ABCB1: variants seen among roughly 807,000 people sequenced by gnomAD.
The protein encoded by ABCB1 is ATP binding cassette subfamily B member 1, also known as ATP-dependent translocase ABCB1.
In ABCB1, 69 loss-of-function variants were observed where a neutral mutation model predicts 142.0. The ratio of observed to expected loss-of-function variants is 0.49; its 90% CI spans 0.40 to 0.59. The LOEUF is 0.59. Ranked by LOEUF, ABCB1 falls within the 20% of genes least tolerant of loss-of-function variation. The pLI, the probability that ABCB1 is intolerant of heterozygous loss-of-function variation, is 0.00. For synonymous variants in ABCB1, 532 were observed against 539.2 expected (o/e 0.99, Z 0.18); for missense variants, 1,326 against 1,554.7 (o/e 0.85, Z 2.47).
At chr7:87,635,913 G>C (rs1274055475) in intron 1 of ABCB1, among the ~76,000 whole-genome samples, 1 of 152,078 alleles carries the variant, frequency 6.6e-6, no homozygotes, top group Admixed American at 6.6e-5. Context: ...CCATTTTGTT[G>C]CATGTTGCTG....
At chr7:87,709,666 C>A (rs1829894487) in intron 1 of ABCB1, among the ~76,000 whole-genome samples, 1 of 152,114 alleles carries the variant, frequency 6.6e-6, no homozygotes, top group Non-Finnish European at 1.5e-5. Context: ...GACTTGCAGA[C>A]ATTTCTAGAG....
intron 4 of ABCB1, among the ~76,000 whole-genome samples, chr7:87,581,157 A>C (rs558190170): frequency 1.3e-5 from 2 of 152,042 alleles, no homozygotes; most frequent in East Asian, 3.9e-4. Flanking sequence ...AACTCTCACT[A>C]TCTTGCCCAG....
intron 1 of ABCB1, among the ~76,000 whole-genome samples, chr7:87,675,506 C>A (rs1407162411): frequency 6.6e-6 from 1 of 151,776 alleles, no homozygotes; most frequent in Non-Finnish European, 1.5e-5. Flanking sequence ...AAAACAGATA[C>A]ATAGACCAAT....
At chr7:87,570,062 G>T in intron 5 of ABCB1, 110 bp downstream of exon 5, 1 of 949,988 alleles carries the variant, frequency 1.1e-6, no homozygotes, top group Non-Finnish European at 1.7e-6. Context: ...AAACTATCAA[G>T]AGTATTGTTC....
chr7:87,573,959 G>C (rs1373371689), intron 4 of ABCB1, among the ~76,000 whole-genome samples: 1 of 152,152 alleles, frequency 6.6e-6, no homozygotes, highest in African/African-American at 2.4e-5. Flanking sequence ...GAGCATGACA[G>C]AATATTTTGT....
chr7:87,527,993 G>A (rs1423538061), intron 21 of ABCB1, among the ~76,000 whole-genome samples: 1 of 152,196 alleles, frequency 6.6e-6, no homozygotes, highest in Non-Finnish European at 1.5e-5. Context: ...GATGAAGGAA[G>A]AGCAGAGGGA....
intron 9 of ABCB1, among the ~76,000 whole-genome samples, chr7:87,551,271 C>T (rs1817054579): frequency 6.6e-6 from 1 of 152,178 alleles, no homozygotes; most frequent in African/African-American, 2.4e-5. Flanking sequence ...CCTGCCTCAG[C>T]CTGCAAAAGT....
intron 25 of ABCB1, among the ~76,000 whole-genome samples, chr7:87,511,888 T>C (rs1230516937): frequency 6.6e-6 from 1 of 152,062 alleles, no homozygotes; most frequent in East Asian, 1.9e-4. Flanking sequence ...TGGGAGAGAC[T>C]GGAAAGGGGA....
intron 23 of ABCB1, among the ~76,000 whole-genome samples, chr7:87,517,426 G>A (rs936345439): frequency 6.6e-6 from 1 of 152,118 alleles, no homozygotes; most frequent in Non-Finnish European, 1.5e-5. Flanking sequence ...GCTGGAGGAT[G>A]AGGCACACAT....
chr7:87,641,901 C>A (rs1250279824), intron 1 of ABCB1, among the ~76,000 whole-genome samples: 1 of 151,920 alleles, frequency 6.6e-6, no homozygotes, highest in Non-Finnish European at 1.5e-5. Flanking sequence ...ATTTACAGAA[C>A]CAAATCTTCT....
intron 1 of ABCB1, among the ~76,000 whole-genome samples, chr7:87,654,623 C>T (rs755241894): frequency 1.3e-5 from 2 of 152,012 alleles, no homozygotes; most frequent in Non-Finnish European, 2.9e-5. Context: ...TGTAAAATTA[C>T]TAGAAGAAAA....
In ABCB1 at chr7:87,626,390, A is replaced by G. The variant is rs185440592; in HGVS notation, c.-330-25312T>C. 4.8e-3 allele frequency among the ~76,000 whole-genome samples: 127 copies of G among 26,298 alleles called. 44 individuals are homozygous for G. The highest frequency in any genetic ancestry group is 5.6e-3 in the Non-Finnish European group (105 of 18,646). 17.3% of individuals were successfully genotyped at this position (26,298 alleles called of 152,430 possible). A position where few individuals can be genotyped will look rare whatever the true frequency, so the allele number is the denominator to read the frequency against. On this transcript the variant is annotated intron_variant, in intron 1 of 28. Coordinates refer to the ABCB1 transcript ENST00000265724. Reference sequence around the variant, plus strand: ...TATGTGTCATATGTATGTGTCATATATATGTGTCATATGTATGTGTCATAT... The same window carrying G: ...TATGTGTCATATGTATGTGTCATATGTATGTGTCATATGTATGTGTCATAT...
At chr7:87,650,398 GC>G (rs1367595077) in intron 1 of ABCB1, among the ~76,000 whole-genome samples, 1 of 151,950 alleles carries the variant, frequency 6.6e-6, no homozygotes, top group East Asian at 1.9e-4. Flanking sequence ...TCTGGTGAGA[GC>G]CCATTCCTCA....
chr7:87,538,177 T>C (rs1816378302), intron 19 of ABCB1, among the ~76,000 whole-genome samples: 1 of 152,096 alleles, frequency 6.6e-6, no homozygotes, highest in Admixed American at 6.5e-5. Flanking sequence ...GCTGCCAAAG[T>C]ATAATGGGCA....
chr7:87,612,077 A>T (rs1185045402), intron 1 of ABCB1, among the ~76,000 whole-genome samples: 1 of 152,096 alleles, frequency 6.6e-6, no homozygotes, highest in African/African-American at 2.4e-5. Flanking sequence ...CTTCATTTTA[A>T]AGAAGAGGGA....
In ABCB1 at chr7:87,669,938, A is replaced by G. The variant is rs116865391; in HGVS notation, c.-331+43223T>C. Among the ~76,000 whole-genome samples the G allele has an allele frequency of 1.0e-2, 1,515 of 152,184 alleles. 10 individuals carry two copies. The highest frequency in any genetic ancestry group is 0.013 in the Non-Finnish European group (856 of 68,004). On this transcript the variant is annotated intron_variant, in intron 1 of 28. Coordinates refer to the ABCB1 transcript ENST00000265724. ...CATTTTAACCTTGGAATAGCTGATG[A>G]CATGTGTTTTGGGGGTGATCTTCTT...
chr7:87,711,890 GAAAAT>G (rs1830124347), intron 1 of ABCB1, among the ~76,000 whole-genome samples: 1 of 151,980 alleles, frequency 6.6e-6, no homozygotes, highest in Non-Finnish European at 1.5e-5. Context: ...TGAAAGAAAA[GAAAAT>G]AATTACAACT....
At position 87,545,019 on chromosome 7, in the gene ABCB1, T is replaced by C. The variant is rs755505520; in HGVS notation, c.1888-20A>G. 13 of 1,609,904 alleles carry C rather than the reference T, an allele frequency of 8.1e-6. No individual in the cohort carries two copies. Among genetic ancestry groups the C allele is most frequent in the Non-Finnish European group, 1.1e-5 (13 of 1,177,400 alleles). On this transcript the variant is annotated intron_variant, in intron 15 of 27. Transcript: ENST00000622132. ...TGCTGTCTAAAATAAATAAGAAATATGCAAAAGCTCATTAGGCTGTGTGTT... is the reference window on the plus strand; with the variant it reads ...TGCTGTCTAAAATAAATAAGAAATACGCAAAAGCTCATTAGGCTGTGTGTT...
chr7:87,689,794 C>T (rs1357603938), intron 1 of ABCB1, among the ~76,000 whole-genome samples: 1 of 152,010 alleles, frequency 6.6e-6, no homozygotes, highest in Admixed American at 6.6e-5. Context: ...TTAAGGTGAA[C>T]AATATCGCTG....
Sources: allele counts gnomAD v4.1 joint callset (sites outside exome capture counted in the v4.1 genomes callset), GRCh38; gene constraint gnomAD v4.1.1; transcripts MANE v1.5; gene names NCBI Gene and HGNC (gene_info 2026-07-23, HGNC 2026-07-21).